Variants in CCDC91 observed in about 807,000 individuals in gnomAD.
CCDC91 encodes coiled-coil domain containing 91.
In CCDC91, 48 loss-of-function variants were observed where a neutral mutation model predicts 63.2. The ratio of observed to expected loss-of-function variants is 0.76; its 90% CI spans 0.60 to 0.97. The LOEUF is 0.97. Ranked by LOEUF, CCDC91 falls within the 50% of genes least tolerant of loss-of-function variation. The pLI is 0.00. For synonymous variants in CCDC91, 167 were observed against 165.8 expected, an observed-to-expected ratio of 1.01 and a Z score of -0.06; for missense variants, 500 against 494.6, an observed-to-expected ratio of 1.01 and a Z score of -0.10.
chr12:28,252,560 C>T (rs1209628961), intron 1 of CCDC91, among the ~76,000 whole-genome samples: 1 of 151,872 alleles, frequency 6.6e-6, no homozygotes, highest in Non-Finnish European at 1.5e-5. Flanking sequence ...TTTCCAAGGC[C>T]TCAGTCTTGT....
chr12:28,252,351 T>G (rs1946170946), intron 1 of CCDC91, among the ~76,000 whole-genome samples: 2 of 152,200 alleles, frequency 1.3e-5, no homozygotes, highest in African/African-American at 4.8e-5. Context: ...TGATGATTTC[T>G]TTACTTTTGT....
intron 11 of CCDC91, among the ~76,000 whole-genome samples, chr12:28,462,637 A>G (rs1950361602): frequency 6.6e-6 from 1 of 152,114 alleles, no homozygotes. Context: ...ATTATGATGA[A>G]CTGTGCATCT....
chr12:28,490,814 T>A (rs1951959337), intron 12 of CCDC91, among the ~76,000 whole-genome samples: 1 of 151,864 alleles, frequency 6.6e-6, no homozygotes, highest in Non-Finnish European at 1.5e-5. Flanking sequence ...TCAGTCTTCT[T>A]GATGGTCTGT....
intron 12 of CCDC91, among the ~76,000 whole-genome samples, chr12:28,499,440 G>C (rs2141099367): frequency 6.6e-6 from 1 of 151,718 alleles, no homozygotes; most frequent in African/African-American, 2.4e-5. Flanking sequence ...ATGTGCCATA[G>C]TGGTTTGCTG....
intron 6 of CCDC91, among the ~76,000 whole-genome samples, chr12:28,334,468 C>T (rs144807870): frequency 7.8e-4 from 118 of 152,184 alleles, no homozygotes; most frequent in African/African-American, 2.7e-3. Flanking sequence ...TATTTCTTCT[C>T]TATCCTTGCC....
intron 7 of CCDC91, among the ~76,000 whole-genome samples, chr12:28,385,916 C>T (rs1353590545): frequency 3.3e-5 from 5 of 152,154 alleles, no homozygotes; most frequent in African/African-American, 1.2e-4. Context: ...ACATCTAATT[C>T]TCACGTGTAT....
At chr12:28,539,411 A>T (rs1393045382) in intron 12 of CCDC91, among the ~76,000 whole-genome samples, 1 of 152,108 alleles carries the variant, frequency 6.6e-6, no homozygotes, top group East Asian at 1.9e-4. Flanking sequence ...AAGATCAGAT[A>T]GTTGTAGATA....
intron 7 of CCDC91, among the ~76,000 whole-genome samples, chr12:28,380,719 A>G (rs578063191): frequency 1.3e-5 from 2 of 152,238 alleles, no homozygotes; most frequent in South Asian, 4.1e-4. Context: ...AGGACTGATT[A>G]TACAGTAGCA....
In CCDC91 at chr12:28,314,364, A is replaced by G. The variant is rs75052949; in HGVS notation, c.576+6615A>G. Among the ~76,000 whole-genome samples, 36 of 152,152 alleles carry G rather than the reference A, an allele frequency of 2.4e-4. No individual in the cohort carries two copies. In the South Asian group the frequency reaches 2.7e-3, roughly 11 times the overall value. ...TAAATTTTTTCATGTACTCTTTAAAAATAAGTACTAATCAGGTGTTGGACA... is the reference window on the plus strand; with the variant it reads ...TAAATTTTTTCATGTACTCTTTAAAGATAAGTACTAATCAGGTGTTGGACA... On this transcript the variant is annotated intron_variant, in intron 6 of 12. Transcript: ENST00000536442.
chr12:28,383,105 C>T (rs2139120094), intron 7 of CCDC91, among the ~76,000 whole-genome samples: 1 of 152,182 alleles, frequency 6.6e-6, no homozygotes. Flanking sequence ...TTTGAGGTAA[C>T]AACTCTTATG....
chr12:28,525,838 GTTA>G (rs1941211120), intron 12 of CCDC91, among the ~76,000 whole-genome samples: 1 of 151,934 alleles, frequency 6.6e-6, no homozygotes, highest in South Asian at 2.1e-4. Flanking sequence ...GCCTTTTATT[GTTA>G]TATAATGTCC....
At chr12:28,212,486 G>C (rs1043379323) in intron 1 of CCDC91, among the ~76,000 whole-genome samples, 1 of 152,172 alleles carries the variant, frequency 6.6e-6, no homozygotes, top group Non-Finnish European at 1.5e-5. Flanking sequence ...TGGCCACTGG[G>C]ATTGGCCAAG....
chr12:28,293,948 C>G (rs1949399091), intron 3 of CCDC91, among the ~76,000 whole-genome samples: 1 of 152,060 alleles, frequency 6.6e-6, no homozygotes, highest in South Asian at 2.1e-4. Context: ...GGAAAAATAA[C>G]ACACACACGC....
chr12:28,474,940 G>A (rs1951007580), intron 11 of CCDC91, among the ~76,000 whole-genome samples: 1 of 152,028 alleles, frequency 6.6e-6, no homozygotes, highest in Non-Finnish European at 1.5e-5. Flanking sequence ...ATAATGAAAT[G>A]AAGGTTTCTT....
At chr12:28,505,585 A>G (rs1938601027) in intron 12 of CCDC91, 1 of 152,006 alleles carries the variant, frequency 6.6e-6, no homozygotes, top group Admixed American at 6.6e-5. Context: ...AGAAACATGC[A>G]GTTACTACTG....
chr12:28,499,187 A>G (rs970088753), intron 12 of CCDC91, among the ~76,000 whole-genome samples: 8 of 151,644 alleles, frequency 5.3e-5, no homozygotes, highest in Admixed American at 1.3e-4. Flanking sequence ...CTGTACCTGC[A>G]TAGCTGAAAA....
intron 8 of CCDC91, among the ~76,000 whole-genome samples, chr12:28,398,024 G>C (rs921660289): frequency 6.6e-6 from 1 of 151,978 alleles, no homozygotes; most frequent in Non-Finnish European, 1.5e-5. Flanking sequence ...TATTTATTCT[G>C]TATTCCCCAA....
chr12:28,306,918 TGAA>T lies in CCDC91; in HGVS notation c.451_453del (p.Glu151del), dbSNP rs1420018862. ...GTCTGGAGATTAAACTCAAAGTATCTGAAGAAGAAAAACAGAGAATTAAACAGG... is the reference window on the plus strand; with the variant it reads ...GTCTGGAGATTAAACTCAAAGTATCTGAAGAAAAACAGAGAATTAAACAGG... On this transcript the variant is annotated inframe_deletion, in exon 5 of 13. Coordinates refer to ENST00000536442, the MANE Select transcript of CCDC91 (RefSeq NM_018318.5). 3 of 1,609,242 alleles carry T rather than the reference TGAA, an allele frequency of 1.9e-6. No individual in the cohort carries two copies. The highest frequency in any genetic ancestry group is 2.5e-6 in the Non-Finnish European group (3 of 1,176,706).
chr12:28,242,446 A>G (rs959266175), intron 1 of CCDC91, among the ~76,000 whole-genome samples: 4 of 152,172 alleles, frequency 2.6e-5, no homozygotes, highest in Admixed American at 2.0e-4. Flanking sequence ...AGGCAGCACA[A>G]CCAAACATAG....
Sources: gnomAD v4.1 joint callset for allele counts (sites outside exome capture counted in the v4.1 genomes callset) on GRCh38, gnomAD v4.1.1 for gene constraint, MANE v1.5 for transcripts, NCBI Gene and HGNC (gene_info 2026-07-23, HGNC 2026-07-21) for gene names.